ANKRD17: variants seen among roughly 807,000 people sequenced by gnomAD.
The protein encoded by ANKRD17 is ankyrin repeat domain 17, also known as ankyrin repeat domain-containing protein 17.
In ANKRD17, 19 loss-of-function variants were observed where a neutral mutation model predicts 229.7. The observed-to-expected ratio is 0.08, with a 90% CI of 0.06 to 0.12. ANKRD17 has a LOEUF of 0.12. ANKRD17 is among the 10% of genes least tolerant of loss of function. The pLI is 1.00. For missense variants in ANKRD17, 2,176 were observed against 3,176.8 expected (o/e 0.68, Z 7.57); for synonymous variants, 1,112 against 1,146.1 (o/e 0.97, Z 0.60).
At chr4:73,162,056 C>CTT (rs529011465) in intron 2 of ANKRD17, among the ~76,000 whole-genome samples, 4 of 138,196 alleles carry the variant, frequency 2.9e-5, no homozygotes, top group Admixed American at 1.5e-4. Context: ...TTCTCTCTCT[C>CTT]TTTTTTTTTT....
At position 73,173,427 on chromosome 4, in the gene ANKRD17, G is replaced by A. The variant is rs559167765; in HGVS notation, c.547+3953C>T. On this transcript the variant is annotated intron_variant, in intron 2 of 33. Coordinates refer to ENST00000358602, the MANE Select transcript of ANKRD17 (RefSeq NM_032217.5). ...AACAAAGAAACATTGGACTTAGAAA[G>A]AAAGATGGCAGAGAGGAGAGGAGAC... Among the ~76,000 whole-genome samples the A allele has an allele frequency of 1.2e-4, 18 of 152,238 alleles. No individual in the cohort carries two copies. In the East Asian group the frequency reaches 2.5e-3, roughly 21 times the overall value.
At chr4:73,201,927 G>A (rs1738725061) in intron 1 of ANKRD17, among the ~76,000 whole-genome samples, 1 of 152,118 alleles carries the variant, frequency 6.6e-6, no homozygotes, top group Non-Finnish European at 1.5e-5. Context: ...TGTGGCAAAA[G>A]CATCTACAAT....
intron 5 of ANKRD17, 56 bp downstream of exon 5, chr4:73,155,575 C>A: frequency 6.4e-7 from 1 of 1,562,164 alleles, no homozygotes; most frequent in South Asian, 1.1e-5. Context: ...CATGCAAAAT[C>A]ATTATTACCA....
At chr4:73,213,791 A>C (rs72663015) in intron 1 of ANKRD17, among the ~76,000 whole-genome samples, 1,983 of 152,242 alleles carry the variant, frequency 0.013, 23 homozygotes, top group Non-Finnish European at 0.021. Context: ...TAGTTTTTAA[A>C]TAGAGGAAGA....
At chr4:73,178,777 T>G (rs1034431434) in intron 1 of ANKRD17, among the ~76,000 whole-genome samples, 2 of 152,070 alleles carry the variant, frequency 1.3e-5, no homozygotes, top group African/African-American at 4.8e-5. Flanking sequence ...AATAACAAAC[T>G]CCTAAGACAG....
At chr4:73,144,248 A>G (rs896616416) in intron 11 of ANKRD17, among the ~76,000 whole-genome samples, 1 of 152,218 alleles carries the variant, frequency 6.6e-6, no homozygotes, top group Non-Finnish European at 1.5e-5. Context: ...ATTTCTGATC[A>G]TGAATGAAAA....
At chr4:73,215,875 C>A (rs914151531) in intron 1 of ANKRD17, among the ~76,000 whole-genome samples, 6 of 152,118 alleles carry the variant, frequency 3.9e-5, no homozygotes, top group Non-Finnish European at 8.8e-5. Flanking sequence ...TTAGAGACTT[C>A]GACCAAATAA....
intron 16 of ANKRD17, among the ~76,000 whole-genome samples, chr4:73,131,420 G>A (rs1420461833): frequency 6.6e-6 from 1 of 152,156 alleles, no homozygotes; most frequent in African/African-American, 2.4e-5. Context: ...CATTTTAAAA[G>A]GAGTTATACT....
intron 1 of ANKRD17, among the ~76,000 whole-genome samples, chr4:73,233,212 A>T (rs893302178): frequency 6.6e-6 from 1 of 152,118 alleles, no homozygotes. Context: ...TTTTGCTTTC[A>T]TATCTTGATT....
At chr4:73,157,341 T>G (rs900757495) in intron 3 of ANKRD17, among the ~76,000 whole-genome samples, 1 of 152,084 alleles carries the variant, frequency 6.6e-6, no homozygotes, top group Non-Finnish European at 1.5e-5. Context: ...ACAATCAAAT[T>G]TGGGGGGAAG....
intron 27 of ANKRD17, among the ~76,000 whole-genome samples, chr4:73,095,579 G>C (rs1233481480): frequency 1.4e-5 from 2 of 138,716 alleles, no homozygotes; most frequent in Non-Finnish European, 3.0e-5. Flanking sequence ...TCTAGCCTGG[G>C]CAACAAGAGT....
intron 14 of ANKRD17, among the ~76,000 whole-genome samples, chr4:73,140,996 T>C (rs1729527359): frequency 6.6e-6 from 1 of 152,188 alleles, no homozygotes; most frequent in Non-Finnish European, 1.5e-5. Context: ...TAGCAATCAA[T>C]TGTTTGCTAT....
At chr4:73,203,045 T>C (rs1015921803) in intron 1 of ANKRD17, among the ~76,000 whole-genome samples, 1 of 152,192 alleles carries the variant, frequency 6.6e-6, no homozygotes, top group African/African-American at 2.4e-5. Flanking sequence ...AATTTAGACA[T>C]TGCACAAAAA....
chr4:73,233,693 T>C (rs1743262863), intron 1 of ANKRD17, among the ~76,000 whole-genome samples: 2 of 152,196 alleles, frequency 1.3e-5, no homozygotes, highest in Admixed American at 6.5e-5. Flanking sequence ...AATATGTTCA[T>C]ACAAAGTGCA....
chr4:73,128,237 C>T (rs1010993243), intron 16 of ANKRD17, among the ~76,000 whole-genome samples: 16 of 152,150 alleles, frequency 1.1e-4, no homozygotes, highest in Non-Finnish European at 1.5e-4. Flanking sequence ...TTTAAAAAAC[C>T]CAAGAAGATC....
In ANKRD17 at chr4:73,097,100, C is replaced by CAA. The variant is rs759939365; in HGVS notation, c.5177+15_5177+16dup. On this transcript the variant is annotated intron_variant, in intron 27 of 33. Transcript: ENST00000358602. Reference sequence around the variant, plus strand: ...GATATATAGCACATAAAAAGAATGACAAAAACAATTACTCACCTTCTTACA... The same window carrying CAA: ...GATATATAGCACATAAAAAGAATGACAAAAAAACAATTACTCACCTTCTTACA... 1.9e-6 allele frequency: 3 copies of CAA among 1,605,186 alleles called. No individual in the cohort carries two copies. In the East Asian group the frequency reaches 6.8e-5, roughly 36 times the overall value.
chr4:73,156,013 A>T lies in ANKRD17; in HGVS notation c.852+6T>A. Reference sequence around the variant, plus strand: ...AACAAATAAGCTTTATTTTGATAATACGAACCTGTGCAAGCTCATAGTATC... The same window carrying T: ...AACAAATAAGCTTTATTTTGATAATTCGAACCTGTGCAAGCTCATAGTATC... On this transcript the variant is annotated splice_donor_region_variant and intron_variant, in intron 4 of 33. Transcript: ENST00000358602. The T allele has an allele frequency of 6.4e-7, 1 of 1,572,660 alleles. No homozygotes were observed. The highest frequency in any genetic ancestry group is 8.6e-7 in the Non-Finnish European group (1 of 1,166,692).
rs780473243 is a variant in ANKRD17, at chr4:73,091,379, T to C, written c.6249A>G (p.Pro2083=). Residue 2083 remains proline, a synonymous_variant, in exon 29 of 34, where the codon CCA becomes CCG. Coordinates refer to ENST00000358602, the MANE Select transcript of ANKRD17 (RefSeq NM_032217.5). ...GTCTAGTGTTTGTTGTTTCTACTAC[T>C]GGTGGACTACCTGCTTCCTGTTCGG... ...SSSEQEAGSP[P]VVETTNTRPP... 5 of 1,614,066 alleles carry C rather than the reference T, an allele frequency of 3.1e-6. No individual in the cohort carries two copies. The Admixed American group carries it at 6.7e-5, about 22-fold the overall frequency.
chr4:73,091,454 G>A lies in ANKRD17; in HGVS notation c.6174C>T (p.Asn2058=), dbSNP rs138723489. 6.8e-6 allele frequency: 11 copies of A among 1,614,076 alleles called. No individual in the cohort carries two copies. In the African/African-American group the frequency reaches 1.3e-4, roughly 20 times the overall value. The stretch of plus-strand genomic sequence containing the variant: ...ATGCTGATCCACAATCCAAAGGGCT[G>A]TTTCTAGAAACCCCTCCTGGCTGGG... ...PPAQPGGVSR[N]SPLDCGSASP... is the part of the protein sequence containing the mutation. Residue 2058 remains asparagine (N), a synonymous_variant, in exon 29 of 34, where the codon AAC becomes AAT. Transcript: ENST00000358602.
Sources: allele counts gnomAD v4.1 joint callset (sites outside exome capture counted in the v4.1 genomes callset), GRCh38; gene constraint gnomAD v4.1.1; transcripts MANE v1.5; gene names NCBI Gene and HGNC (gene_info 2026-07-23, HGNC 2026-07-21).